CNKSR3: variants seen among roughly 807,000 people sequenced by gnomAD.
The protein encoded by CNKSR3 is CNKSR family member 3.
A neutral mutation model predicts 67.7 loss-of-function variants in CNKSR3; 36 were observed. The ratio of observed to expected loss-of-function variants is 0.53; its 90% CI spans 0.41 to 0.70. The LOEUF (loss-of-function observed/expected upper bound fraction) is 0.70. Among genes scored for constraint, CNKSR3 ranks in the 30% least tolerant of loss-of-function variants. The pLI is 0.00. For synonymous variants in CNKSR3, 281 were observed against 271.4 expected (o/e 1.04, Z -0.35); for missense variants, 630 against 695.2 (o/e 0.91, Z 1.05).
intron 1 of CNKSR3, among the ~76,000 whole-genome samples, chr6:154,462,601 C>T (rs1211556960): frequency 6.6e-6 from 1 of 152,176 alleles, no homozygotes; most frequent in Non-Finnish European, 1.5e-5. Flanking sequence ...TCTCCATCTC[C>T]GGCCACATTC....
At chr6:154,470,188 C>CTGTTTTTTTTTTTT (rs1786295519) in intron 1 of CNKSR3, among the ~76,000 whole-genome samples, 1 of 68,724 alleles carries the variant, frequency 1.5e-5, no homozygotes, top group Non-Finnish European at 2.6e-5. Flanking sequence ...ACTTTCTTTC[C>CTGTTTTTTTTTTTT]TTTTTTTTTT....
chr6:154,454,913 T>G (rs995863979), intron 1 of CNKSR3, among the ~76,000 whole-genome samples: 11 of 152,164 alleles, frequency 7.2e-5, no homozygotes, highest in Non-Finnish European at 1.3e-4. Flanking sequence ...GGCTATGTTA[T>G]TACCTTTCCC....
chr6:154,437,336 T>C (rs967516052), intron 4 of CNKSR3, among the ~76,000 whole-genome samples: 2 of 151,956 alleles, frequency 1.3e-5, no homozygotes, highest in Non-Finnish European at 2.9e-5. Context: ...ATTTATCAAG[T>C]TTGTAATTTC....
At chr6:154,492,038 C>T (rs1582901168) in intron 1 of CNKSR3, among the ~76,000 whole-genome samples, 2 of 152,170 alleles carry the variant, frequency 1.3e-5, no homozygotes, top group Non-Finnish European at 2.9e-5. Flanking sequence ...GTCCCACCAA[C>T]CCACCAAAAC....
Position 154,443,045 on chromosome 6 carries a change from G to A in CNKSR3, c.217-755C>T, listed in dbSNP as rs1008981846. On this transcript the variant is annotated intron_variant, in intron 2 of 12. Coordinates refer to ENST00000607772, the MANE Select transcript of CNKSR3 (RefSeq NM_173515.4). ...CCTGAATAGCTGGGATTACAGGCGC[G>A]CACCACCATGCCGGGCTAATTTTTG... Among the ~76,000 whole-genome samples, 18 of 152,070 alleles carry A rather than the reference G, an allele frequency of 1.2e-4. 1 individual carries two copies. Among genetic ancestry groups the A allele is most frequent in the Admixed American group, 2.0e-4 (3 of 15,274 alleles).
At chr6:154,421,225 G>A (rs370465453) in intron 9 of CNKSR3, among the ~76,000 whole-genome samples, 1 of 152,178 alleles carries the variant, frequency 6.6e-6, no homozygotes, top group Admixed American at 6.5e-5. Flanking sequence ...CGTTGGCCAG[G>A]CTGGTCTCAA....
intron 4 of CNKSR3, chr6:154,434,134 A>G (rs545655376): frequency 1.3e-5 from 2 of 152,378 alleles, no homozygotes; most frequent in African/African-American, 4.8e-5. Context: ...AATGCAAAGC[A>G]TTATTTATTC....
intron 2 of CNKSR3, among the ~76,000 whole-genome samples, chr6:154,448,074 G>A (rs1785743606): frequency 6.6e-6 from 1 of 152,082 alleles, no homozygotes; most frequent in Admixed American, 6.6e-5. Flanking sequence ...ATGAGTCTGA[G>A]GTCAAAGCTT....
intron 7 of CNKSR3, among the ~76,000 whole-genome samples, chr6:154,423,388 C>T (rs147644644): frequency 6.6e-6 from 1 of 152,158 alleles, no homozygotes; most frequent in Non-Finnish European, 1.5e-5. Flanking sequence ...CTCAGCCTCC[C>T]GAGTAGCTGA....
intron 1 of CNKSR3, among the ~76,000 whole-genome samples, chr6:154,463,999 C>A (rs1211087247): frequency 6.6e-6 from 1 of 152,148 alleles, no homozygotes; most frequent in Non-Finnish European, 1.5e-5. Context: ...ATCAACAGGG[C>A]AGGAATTGGC....
chr6:154,437,366 C>A (rs75829992), intron 4 of CNKSR3, among the ~76,000 whole-genome samples: 1 of 151,070 alleles, frequency 6.6e-6, no homozygotes, highest in Non-Finnish European at 1.5e-5. Context: ...TGTATCTGAG[C>A]GCACAGATGC....
At chr6:154,494,387 A>G (rs951727231) in intron 1 of CNKSR3, among the ~76,000 whole-genome samples, 1 of 152,144 alleles carries the variant, frequency 6.6e-6, no homozygotes, top group Non-Finnish European at 1.5e-5. Context: ...CGTGGGGATT[A>G]TGGGAACTAC....
intron 1 of CNKSR3, among the ~76,000 whole-genome samples, chr6:154,484,334 G>A (rs140140693): frequency 3.9e-5 from 6 of 152,158 alleles, no homozygotes; most frequent in Non-Finnish European, 8.8e-5. Flanking sequence ...TACCTAATAC[G>A]CAGGCTGTCA....
chr6:154,502,358 ATT>A (rs541089259), intron 1 of CNKSR3, among the ~76,000 whole-genome samples: 25 of 141,264 alleles, frequency 1.8e-4, no homozygotes, highest in South Asian at 2.3e-4. Context: ...TGCCCAGCTA[ATT>A]TTTTTTTTTT....
intron 2 of CNKSR3, among the ~76,000 whole-genome samples, chr6:154,447,393 C>A (rs898361918): frequency 6.6e-6 from 1 of 152,156 alleles, no homozygotes; most frequent in Non-Finnish European, 1.5e-5. Context: ...GCTCTATAAT[C>A]GGTCTCAGGT....
At chr6:154,480,123 G>A (rs1437217420) in intron 1 of CNKSR3, among the ~76,000 whole-genome samples, 1 of 152,248 alleles carries the variant, frequency 6.6e-6, no homozygotes, top group Non-Finnish European at 1.5e-5. Context: ...GGCACCAGAT[G>A]TCTGGTGCTG....
intron 1 of CNKSR3, among the ~76,000 whole-genome samples, chr6:154,495,296 G>T (rs1786854967): frequency 6.6e-6 from 1 of 151,310 alleles, no homozygotes; most frequent in Non-Finnish European, 1.5e-5. Flanking sequence ...TTTGAGATTG[G>T]TATCTGTAAA....
intron 1 of CNKSR3, among the ~76,000 whole-genome samples, chr6:154,502,932 A>T (rs1787027384): frequency 6.6e-6 from 1 of 152,162 alleles, no homozygotes; most frequent in Non-Finnish European, 1.5e-5. Flanking sequence ...GGGGACACAG[A>T]CGGGAGGGCC....
intron 1 of CNKSR3, among the ~76,000 whole-genome samples, chr6:154,453,494 A>C (rs1785881862): frequency 6.6e-6 from 1 of 152,212 alleles, no homozygotes; most frequent in African/African-American, 2.4e-5. Flanking sequence ...AATAATCACA[A>C]GTTCCCTGAG....
Sources: gnomAD v4.1 joint callset for allele counts (sites outside exome capture counted in the v4.1 genomes callset) on GRCh38, gnomAD v4.1.1 for gene constraint, MANE v1.5 for transcripts, NCBI Gene and HGNC (gene_info 2026-07-23, HGNC 2026-07-21) for gene names.